The following LPP variants were observed in gnomAD, a reference collection of about 807,000 sequenced individuals.
LPP encodes the protein lipoma-preferred partner.
LPP carries 38 observed loss-of-function variants against 60.4 expected under a neutral mutation model. That is an observed-to-expected ratio of 0.63 (90% CI 0.49 to 0.83). LPP has a LOEUF of 0.83. Ranked by LOEUF, LPP falls within the 40% of genes least tolerant of loss-of-function variation. LPP has a pLI of 0.00. For synonymous variants in LPP, 328 were observed against 290.8 expected (o/e 1.13, Z -1.30); for missense variants, 902 against 783.6 (o/e 1.15, Z -1.80).
At chr3:188,575,552 G>A (rs1248459395) in intron 6 of LPP, among the ~76,000 whole-genome samples, 1 of 152,082 alleles carries the variant, frequency 6.6e-6, no homozygotes, top group Non-Finnish European at 1.5e-5. Flanking sequence ...TTTGGATCCG[G>A]TCCACCTTAA....
intron 6 of LPP, among the ~76,000 whole-genome samples, chr3:188,592,553 T>TTTTTTTTTTTGTTGTTG (rs1553936328): frequency 2.5e-5 from 3 of 121,280 alleles, no homozygotes; most frequent in Middle Eastern, 4.2e-3. Context: ...TTAGTTTTGT[T>TTTTTTTTTTTGTTGTTG]TTTGTTTTTT....
At chr3:188,852,342 T>TCCCACAA (rs1194235937) in intron 9 of LPP, among the ~76,000 whole-genome samples, 25 of 152,308 alleles carry the variant, frequency 1.6e-4, no homozygotes, top group Non-Finnish European at 3.4e-4. Flanking sequence ...TATCTCCCTC[T>TCCCACAA]ATCTGCATGT....
In LPP at chr3:188,878,710, AATG is replaced by A. The variant is rs1470105219; in HGVS notation, c.*4234_*4236del. The A allele has an allele frequency of 4.9e-6, 1 of 203,848 alleles. No homozygotes were observed. Among genetic ancestry groups the A allele is most frequent in the Non-Finnish European group, 1.0e-5 (1 of 99,338 alleles). The allele number at this position is 203,848 out of a possible 1,614,324, so 12.6% of individuals were successfully genotyped here. ...ATTCCACTGAAGAGTCAATGATGTAAATGATAACCACCAAATCTCAAAAATATA... is the reference window on the plus strand; with the variant it reads ...ATTCCACTGAAGAGTCAATGATGTAAATAACCACCAAATCTCAAAAATATA... On this transcript the variant is annotated 3_prime_UTR_variant, in exon 12 of 12. Coordinates refer to ENST00000617246, the MANE Select transcript of LPP (RefSeq NM_001375462.1).
At chr3:188,176,715 A>G (rs1310954937) in intron 1 of LPP, among the ~76,000 whole-genome samples, 1 of 152,246 alleles carries the variant, frequency 6.6e-6, no homozygotes, top group Non-Finnish European at 1.5e-5. Flanking sequence ...CTGTAAACAA[A>G]GACAGTCATA....
chr3:188,369,150 A>C (rs1227414988), intron 3 of LPP, among the ~76,000 whole-genome samples: 1 of 152,136 alleles, frequency 6.6e-6, no homozygotes, highest in Admixed American at 6.5e-5. Flanking sequence ...ATCTCACTGC[A>C]TAGACAGAAA....
At chr3:188,642,028 C>A (rs192045603) in intron 7 of LPP, among the ~76,000 whole-genome samples, 6 of 152,086 alleles carry the variant, frequency 3.9e-5, no homozygotes, top group African/African-American at 1.4e-4. Context: ...ATAGCAGTTG[C>A]GCTTGATAAT....
At chr3:188,517,679 A>G (rs1244005946) in intron 5 of LPP, among the ~76,000 whole-genome samples, 4 of 152,136 alleles carry the variant, frequency 2.6e-5, no homozygotes, top group African/African-American at 9.7e-5. Context: ...GTGGTAAGAG[A>G]AAATGAGGGT....
chr3:188,798,214 A>T (rs1025774811), intron 9 of LPP, among the ~76,000 whole-genome samples: 1 of 152,242 alleles, frequency 6.6e-6, no homozygotes, highest in Non-Finnish European at 1.5e-5. Flanking sequence ...AATCTGGCCC[A>T]TTCTATATAA....
At chr3:188,777,527 A>C (rs889391644) in intron 9 of LPP, among the ~76,000 whole-genome samples, 1 of 152,338 alleles carries the variant, frequency 6.6e-6, no homozygotes. Flanking sequence ...TAATGGGTCT[A>C]TGCACTGTCT....
At chr3:188,814,792 G>A (rs1030240404) in intron 9 of LPP, among the ~76,000 whole-genome samples, 2 of 152,174 alleles carry the variant, frequency 1.3e-5, no homozygotes, top group African/African-American at 4.8e-5. Flanking sequence ...CACCCACTGT[G>A]GGAAGTTGGA....
At chr3:188,851,072 C>A (rs1164417282) in intron 9 of LPP, among the ~76,000 whole-genome samples, 1 of 152,060 alleles carries the variant, frequency 6.6e-6, no homozygotes, top group East Asian at 1.9e-4. Context: ...TTAGACCTAC[C>A]AGTGGAATGA....
intron 6 of LPP, among the ~76,000 whole-genome samples, chr3:188,598,083 A>C (rs1038476821): frequency 3.3e-5 from 5 of 152,200 alleles, no homozygotes; most frequent in African/African-American, 1.2e-4. Context: ...ATGAATAACC[A>C]GTTAGAAGTT....
chr3:188,835,599 A>G (rs1219905269), intron 9 of LPP, among the ~76,000 whole-genome samples: 2 of 152,144 alleles, frequency 1.3e-5, no homozygotes, highest in Non-Finnish European at 2.9e-5. Flanking sequence ...AGCCTAGGTG[A>G]CAGAGTGAGG....
intron 9 of LPP, among the ~76,000 whole-genome samples, chr3:188,836,674 T>C (rs1467560905): frequency 6.6e-6 from 1 of 152,232 alleles, no homozygotes; most frequent in Non-Finnish European, 1.5e-5. Context: ...AATTGGTACA[T>C]GTTTCTTATC....
intron 2 of LPP, among the ~76,000 whole-genome samples, chr3:188,323,623 C>T (rs1757552337): frequency 6.6e-6 from 1 of 152,196 alleles, no homozygotes; most frequent in South Asian, 2.1e-4. Flanking sequence ...TTGCATTCTC[C>T]TTATGTGGAA....
chr3:188,403,791 A>G (rs1211362073), intron 3 of LPP, among the ~76,000 whole-genome samples: 1 of 152,194 alleles, frequency 6.6e-6, no homozygotes, highest in Non-Finnish European at 1.5e-5. Flanking sequence ...CTAGGCCTTA[A>G]TGGTAGTTTA....
intron 3 of LPP, among the ~76,000 whole-genome samples, chr3:188,368,703 CACACACACACACACACAGAG>C (rs1377269600): frequency 3.3e-5 from 4 of 122,050 alleles, no homozygotes; most frequent in Admixed American, 1.0e-4. Context: ...CACACACACA[CACACACACACACACACAGAG>C]AGAGAGAGAG....
intron 9 of LPP, among the ~76,000 whole-genome samples, chr3:188,824,212 G>A (rs943838536): frequency 2.6e-5 from 4 of 152,174 alleles, no homozygotes; most frequent in Non-Finnish European, 5.9e-5. Flanking sequence ...GGTGGCGTGA[G>A]ATTTAAAAGA....
chr3:188,453,697 T>C (rs1468025443), intron 4 of LPP, among the ~76,000 whole-genome samples: 1 of 152,098 alleles, frequency 6.6e-6, no homozygotes, highest in Non-Finnish European at 1.5e-5. Context: ...ATCTATTCTA[T>C]AGTATTTATC....
Sources: gnomAD v4.1 joint callset for allele counts (sites outside exome capture counted in the v4.1 genomes callset) on GRCh38, gnomAD v4.1.1 for gene constraint, MANE v1.5 for transcripts, NCBI Gene and HGNC (gene_info 2026-07-23, HGNC 2026-07-21) for gene names.